The following FRMD4A variants were observed in gnomAD, a reference collection of about 807,000 sequenced individuals.
FRMD4A encodes the protein FERM domain containing 4A.
In FRMD4A, 29 loss-of-function variants were observed where a neutral mutation model predicts 129.1. That is an observed-to-expected ratio of 0.22 (90% confidence interval 0.17 to 0.31). The LOEUF (loss-of-function observed/expected upper bound fraction) is 0.31. Ranked by LOEUF, FRMD4A falls within the 10% of genes least tolerant of loss-of-function variation. The pLI, the probability that FRMD4A is intolerant of heterozygous loss-of-function variation, is 1.00. For synonymous variants in FRMD4A, 634 were observed against 571.6 expected (o/e 1.11, Z -1.56); for missense variants, 1,272 against 1,375.8 (o/e 0.92, Z 1.19).
chr10:13,707,275 C>T (rs2087556451), intron 12 of FRMD4A, 162 bp from the exon 13 acceptor site: 12 of 740,184 alleles, frequency 1.6e-5, no homozygotes, highest in South Asian at 1.0e-4. Context: ...CACACACATA[C>T]ACACACACAC....
intron 2 of FRMD4A, among the ~76,000 whole-genome samples, chr10:14,038,250 G>C (rs4748080): frequency 0.37 from 55,625 of 151,794 alleles, 12,510 homozygotes; most frequent in Non-Finnish European, 0.52. Flanking sequence ...ATGAACCCGG[G>C]CGGCGGAGCT....
intron 3 of FRMD4A, among the ~76,000 whole-genome samples, chr10:13,838,991 CT>C (rs373871027): frequency 2.7e-4 from 26 of 95,696 alleles, no homozygotes; most frequent in South Asian, 1.6e-3. Flanking sequence ...GAATAATTTC[CT>C]TTTTTTTTTT....
chr10:13,772,830 G>A (rs1214160517), intron 6 of FRMD4A, among the ~76,000 whole-genome samples: 1 of 152,160 alleles, frequency 6.6e-6, no homozygotes, highest in East Asian at 1.9e-4. Context: ...TGGGAGAGGT[G>A]GGGATCGTTA....
chr10:13,923,134 G>A (rs373838337), intron 2 of FRMD4A, among the ~76,000 whole-genome samples: 8 of 152,306 alleles, frequency 5.3e-5, no homozygotes, highest in African/African-American at 1.7e-4. Context: ...TGGATGGTCT[G>A]TATCGAGTGA....
chr10:13,937,921 T>C (rs2095261433), intron 2 of FRMD4A, among the ~76,000 whole-genome samples: 1 of 152,230 alleles, frequency 6.6e-6, no homozygotes, highest in Non-Finnish European at 1.5e-5. Context: ...GCCTAGTTCC[T>C]CAGTTAAAGA....
At chr10:13,829,090 T>G (rs2093749489) in intron 3 of FRMD4A, among the ~76,000 whole-genome samples, 1 of 152,222 alleles carries the variant, frequency 6.6e-6, no homozygotes, top group African/African-American at 2.4e-5. Context: ...TGTATAAGCA[T>G]TCCCCTTTCT....
chr10:13,849,997 C>T (rs1290503345), intron 3 of FRMD4A, among the ~76,000 whole-genome samples: 3 of 151,656 alleles, frequency 2.0e-5, no homozygotes, highest in Admixed American at 1.3e-4. Flanking sequence ...GGTGAAATCC[C>T]GCCTCTACTA....
intron 15 of FRMD4A, among the ~76,000 whole-genome samples, chr10:13,687,613 T>C (rs1251792845): frequency 2.6e-5 from 4 of 152,216 alleles, no homozygotes; most frequent in Admixed American, 1.3e-4. Context: ...TTTGAATTCA[T>C]AGTTGTTCTC....
intron 12 of FRMD4A, among the ~76,000 whole-genome samples, chr10:13,721,171 A>G (rs1325919262): frequency 6.6e-6 from 1 of 152,170 alleles, no homozygotes; most frequent in Non-Finnish European, 1.5e-5. Context: ...ATCACAAGAC[A>G]GTCTTTGATT....
chr10:13,975,402 T>A (rs1392069268), intron 2 of FRMD4A, among the ~76,000 whole-genome samples: 1 of 152,138 alleles, frequency 6.6e-6, no homozygotes, highest in Non-Finnish European at 1.5e-5. Flanking sequence ...TCTCTGTGTG[T>A]GTGTCTGTGC....
chr10:13,982,845 AATT>A (rs1410900913), intron 2 of FRMD4A, among the ~76,000 whole-genome samples: 2 of 152,180 alleles, frequency 1.3e-5, no homozygotes, highest in Non-Finnish European at 2.9e-5. Flanking sequence ...TTTGTCAGCT[AATT>A]TTCAGCGAAC....
chr10:13,886,068 A>C (rs912155316), intron 2 of FRMD4A, among the ~76,000 whole-genome samples: 1 of 152,092 alleles, frequency 6.6e-6, no homozygotes, highest in African/African-American at 2.4e-5. Context: ...CTGGCTTCCT[A>C]GTTTGGGTTT....
chr10:13,828,791 C>T (rs553387908), intron 3 of FRMD4A, among the ~76,000 whole-genome samples: 2 of 152,194 alleles, frequency 1.3e-5, no homozygotes, highest in Non-Finnish European at 2.9e-5. Context: ...CTTGGCCTCG[C>T]AAAGTGCTGG....
At chr10:13,714,308 T>C (rs2088551137) in intron 12 of FRMD4A, among the ~76,000 whole-genome samples, 1 of 151,426 alleles carries the variant, frequency 6.6e-6, no homozygotes, top group African/African-American at 2.4e-5. Flanking sequence ...GGTGATCCAC[T>C]CGCCTTGGCT....
intron 2 of FRMD4A, among the ~76,000 whole-genome samples, chr10:13,864,223 T>C (rs931685886): frequency 1.3e-5 from 2 of 151,636 alleles, no homozygotes; most frequent in Non-Finnish European, 2.9e-5. Context: ...CTCGAACTCC[T>C]GGCCTCACGT....
chr10:14,269,938 A>T (rs181945684), intron 2 of FRMD4A, among the ~76,000 whole-genome samples: 33 of 152,318 alleles, frequency 2.2e-4, no homozygotes, highest in Admixed American at 2.2e-3. Flanking sequence ...GGTGGGGAAG[A>T]TCTGTCCTCA....
intron 2 of FRMD4A, among the ~76,000 whole-genome samples, chr10:14,133,653 C>T (rs565248999): frequency 6.6e-6 from 1 of 152,342 alleles, no homozygotes; most frequent in South Asian, 2.1e-4. Flanking sequence ...CTTAGAGAAC[C>T]ATTCTGTTCC....
At chr10:13,819,605 T>A (rs1294808084) in intron 3 of FRMD4A, among the ~76,000 whole-genome samples, 2 of 152,064 alleles carry the variant, frequency 1.3e-5, no homozygotes, top group Non-Finnish European at 2.9e-5. Flanking sequence ...TCCCAGTCAC[T>A]GGAACCTGTG....
intron 2 of FRMD4A, chr10:13,891,859 C>T: frequency 2.0e-6 from 1 of 491,554 alleles, no homozygotes; most frequent in Non-Finnish European, 2.6e-6. Context: ...CGCCAGTGAG[C>T]CCCGCCGCCG....
Sources: allele counts gnomAD v4.1 joint callset (sites outside exome capture counted in the v4.1 genomes callset), GRCh38; gene constraint gnomAD v4.1.1; transcripts MANE v1.5; gene names NCBI Gene and HGNC (gene_info 2026-07-23, HGNC 2026-07-21).